The following FOXP2 variants were observed in gnomAD, a reference collection of about 807,000 sequenced individuals.
The protein encoded by FOXP2 is forkhead box protein P2.
FOXP2 carries 12 observed loss-of-function variants against 115.8 expected under a neutral mutation model. The observed-to-expected ratio is 0.10, with a 90% CI of 0.07 to 0.17. The LOEUF (loss-of-function observed/expected upper bound fraction) is 0.17, where lower values mean the gene tolerates loss of function less well. Among genes scored for constraint, FOXP2 ranks in the 10% least tolerant of loss-of-function variants. The pLI is 1.00. For synonymous variants in FOXP2, 328 were observed against 297.7 expected (o/e 1.10, Z -1.05); for missense variants, 629 against 843.5 (o/e 0.75, Z 3.15).
intron 2 of FOXP2, among the ~76,000 whole-genome samples, chr7:114,341,791 T>C (rs1389180518): frequency 6.6e-6 from 1 of 151,378 alleles, no homozygotes; most frequent in Non-Finnish European, 1.5e-5. Flanking sequence ...CTTCTTCACC[T>C]TTATGGTTTA....
chr7:114,611,367 C>T (rs1450283828), intron 3 of FOXP2, among the ~76,000 whole-genome samples: 1 of 151,750 alleles, frequency 6.6e-6, no homozygotes, highest in Non-Finnish European at 1.5e-5. Context: ...TTTTATTGCC[C>T]TCAGAAGCAT....
At chr7:114,293,673 T>A (rs1584614173) in intron 2 of FOXP2, among the ~76,000 whole-genome samples, 1 of 152,144 alleles carries the variant, frequency 6.6e-6, no homozygotes, top group Non-Finnish European at 1.5e-5. Context: ...TCTCAGGAGA[T>A]CTGGTGGCTG....
chr7:114,259,276 T>C (rs181923179), intron 1 of FOXP2, among the ~76,000 whole-genome samples: 18 of 152,302 alleles, frequency 1.2e-4, no homozygotes, highest in Admixed American at 1.0e-3. Context: ...AACTGGGTTA[T>C]AAAAAGGATA....
intron 3 of FOXP2, among the ~76,000 whole-genome samples, chr7:114,575,046 C>CT (rs1801505107): frequency 6.6e-6 from 1 of 151,714 alleles, no homozygotes. Flanking sequence ...TTTAAAATAT[C>CT]TTTTTATTTG....
chr7:114,182,902 T>C (rs1039423013), intron 1 of FOXP2, among the ~76,000 whole-genome samples: 13 of 152,052 alleles, frequency 8.5e-5, no homozygotes, highest in Non-Finnish European at 2.9e-5. Flanking sequence ...GGAGTGGGGT[T>C]GGGGGTAGAA....
Position 114,237,876 on chromosome 7 carries a change from G to A in FOXP2, c.-101-50143G>A, listed in dbSNP as rs537145376. ...TGTGGTGCAAGCTGCCCCAGAGACT[G>A]AGGCACAAGAATTGCTTGAACCCAG... is the stretch of plus-strand genomic sequence containing the variant. On this transcript the variant is annotated intron_variant, in intron 1 of 17. Coordinates refer to the FOXP2 transcript ENST00000634411. Among the ~76,000 whole-genome samples the A allele has an allele frequency of 1.6e-3, 247 of 152,180 alleles. 1 individual carries two copies. The highest frequency in any genetic ancestry group is 5.5e-3 in the African/African-American group (227 of 41,524).
intron 1 of FOXP2, among the ~76,000 whole-genome samples, chr7:114,143,933 A>C (rs891831963): frequency 5.3e-5 from 8 of 151,802 alleles, no homozygotes; most frequent in Non-Finnish European, 8.8e-5. Context: ...CTGACTTATG[A>C]TGGTTTGACT....
chr7:114,380,572 G>A (rs1275521974), intron 2 of FOXP2, among the ~76,000 whole-genome samples: 3 of 152,188 alleles, frequency 2.0e-5, no homozygotes, highest in South Asian at 2.1e-4. Flanking sequence ...TGACAGTTCC[G>A]TTCTATCTTT....
chr7:114,406,839 C>G lies in FOXP2; in HGVS notation c.-10-19663C>G, dbSNP rs534065266. 4.6e-5 allele frequency among the ~76,000 whole-genome samples: 7 copies of G among 152,138 alleles called. No homozygotes were observed. The South Asian group carries it at 1.4e-3, about 31-fold the overall frequency. On this transcript the variant is annotated intron_variant, in intron 2 of 17. Coordinates refer to the FOXP2 transcript ENST00000634411. ...CTCCCTCTCTCCCTAGCCTAAGTCT[C>G]TGTCTTTATCGCTACAGTACAGTAT... is the stretch of plus-strand genomic sequence containing the variant.
At chr7:114,287,780 T>C (rs1397702123) in intron 1 of FOXP2, among the ~76,000 whole-genome samples, 4 of 151,992 alleles carry the variant, frequency 2.6e-5, no homozygotes, top group Non-Finnish European at 4.4e-5. Context: ...GTGCATCTTA[T>C]GCTGTCTCCG....
intron 3 of FOXP2, among the ~76,000 whole-genome samples, chr7:114,564,601 C>G (rs532692965): frequency 2.6e-5 from 4 of 151,768 alleles, no homozygotes; most frequent in Admixed American, 6.6e-5. Flanking sequence ...GAAATATGAC[C>G]AGGTGTAGTG....
At chr7:114,657,107 T>C (rs118116544) in intron 10 of FOXP2, among the ~76,000 whole-genome samples, 1 of 152,232 alleles carries the variant, frequency 6.6e-6, no homozygotes, top group East Asian at 1.9e-4. Flanking sequence ...GCAGAAATCT[T>C]TTTATGTGCT....
intron 2 of FOXP2, among the ~76,000 whole-genome samples, chr7:114,342,174 A>G (rs1562878642): frequency 6.6e-6 from 1 of 151,398 alleles, no homozygotes; most frequent in African/African-American, 2.4e-5. Context: ...AGACCAACCA[A>G]TAACTTCCAT....
intron 7 of FOXP2, among the ~76,000 whole-genome samples, chr7:114,644,228 AT>A (rs1805743888): frequency 6.6e-6 from 1 of 152,184 alleles, no homozygotes; most frequent in East Asian, 1.9e-4. Flanking sequence ...GTAGAAATAT[AT>A]GTGGTTTATA....
chr7:114,499,945 G>A (rs1369583346), intron 2 of FOXP2, among the ~76,000 whole-genome samples: 2 of 152,150 alleles, frequency 1.3e-5, no homozygotes, highest in African/African-American at 4.8e-5. Context: ...GCAGGGCACG[G>A]TGGCTCACGC....
At position 114,656,795 on chromosome 7, in the gene FOXP2, A is replaced by G. The variant is rs1385165433; in HGVS notation, c.1267-1271A>G. The stretch of plus-strand genomic sequence containing the variant: ...GGCATATGTTAATTTTTGTTTCCCT[A>G]ACAAATCTCTCTACTGACTAAATGT... On this transcript the variant is annotated intron_variant, in intron 10 of 16. Coordinates refer to ENST00000350908, the MANE Select transcript of FOXP2 (RefSeq NM_014491.4). 6.6e-5 allele frequency among the ~76,000 whole-genome samples: 10 copies of G among 152,284 alleles called. No homozygotes were observed. In the East Asian group the frequency reaches 1.9e-3, roughly 29 times the overall value.
chr7:114,457,313 A>G (rs1447380780), intron 2 of FOXP2, among the ~76,000 whole-genome samples: 1 of 152,218 alleles, frequency 6.6e-6, no homozygotes, highest in Non-Finnish European at 1.5e-5. Context: ...AATTAACACC[A>G]TTAAAAATGA....
Position 114,144,179 on chromosome 7 carries a change from C to T in FOXP2, c.-246-18765C>T, listed in dbSNP as rs564036737. Among the ~76,000 whole-genome samples, 27 of 152,214 alleles carry T rather than the reference C, an allele frequency of 1.8e-4. No homozygotes were observed. In the South Asian group the frequency reaches 3.7e-3, roughly 21 times the overall value. ...TCGGTAGATTAGGTGTATTCAGCAA[C>T]GATACCTTCAAATTACGATGGCTTT... On this transcript the variant is annotated intron_variant, in intron 1 of 19. Coordinates refer to the FOXP2 transcript ENST00000635638.
chr7:114,621,359 A>T (rs998143519), intron 3 of FOXP2, among the ~76,000 whole-genome samples: 1 of 152,056 alleles, frequency 6.6e-6, no homozygotes, highest in Non-Finnish European at 1.5e-5. Flanking sequence ...ATAGTTTGGG[A>T]TATTATGGTT....
Sources: gnomAD v4.1 joint callset for allele counts (sites outside exome capture counted in the v4.1 genomes callset) on GRCh38, gnomAD v4.1.1 for gene constraint, MANE v1.5 for transcripts, NCBI Gene and HGNC (gene_info 2026-07-23, HGNC 2026-07-21) for gene names.